The following ZNF804B variants were observed in gnomAD, a reference collection of about 807,000 sequenced individuals.
The protein encoded by ZNF804B is zinc finger protein 804B.
In ZNF804B, 80 loss-of-function variants were observed where a neutral mutation model predicts 101.4. The observed-to-expected ratio is 0.79, with a 90% CI of 0.66 to 0.95. The LOEUF (loss-of-function observed/expected upper bound fraction) is 0.95, where lower values mean the gene tolerates loss of function less well. Ranked by LOEUF, ZNF804B falls within the 40% of genes least tolerant of loss-of-function variation. The pLI is 0.00. For missense variants in ZNF804B, 1,673 were observed against 1,561.9 expected (o/e 1.07, Z -1.20); for synonymous variants, 622 against 558.8 (o/e 1.11, Z -1.59).
intron 1 of ZNF804B, among the ~76,000 whole-genome samples, chr7:89,129,580 C>T (rs1386331016): frequency 6.6e-6 from 1 of 152,022 alleles, no homozygotes; most frequent in Non-Finnish European, 1.5e-5. Context: ...TGAGTAATAG[C>T]TAACATTTTC....
intron 1 of ZNF804B, among the ~76,000 whole-genome samples, chr7:89,172,870 T>C (rs114570435): frequency 0.034 from 5,250 of 152,264 alleles, 174 homozygotes; most frequent in South Asian, 0.081. Flanking sequence ...GTATATTTCA[T>C]TCTCACCTCC....
chr7:89,162,756 A>C (rs2116422184), intron 1 of ZNF804B, among the ~76,000 whole-genome samples: 2 of 148,276 alleles, frequency 1.3e-5, no homozygotes, highest in African/African-American at 4.9e-5. Flanking sequence ...TGCACCCACT[A>C]ACTCGTCATC....
chr7:89,089,524 T>C (rs966948754), intron 1 of ZNF804B, among the ~76,000 whole-genome samples: 2 of 152,144 alleles, frequency 1.3e-5, no homozygotes, highest in South Asian at 4.1e-4. Flanking sequence ...TCAACCACTT[T>C]AAAATGCTTC....
chr7:89,178,761 G>A lies in ZNF804B; in HGVS notation c.109-39394G>A, dbSNP rs141496534. On this transcript the variant is annotated intron_variant, in intron 1 of 3. Coordinates refer to ENST00000333190, the MANE Select transcript of ZNF804B (RefSeq NM_181646.5). ...TCTTTGTGCTTACTATTCCCAGTGAGCTTTTTGCATTTAAAAGATTTCTTA... is the reference window on the plus strand; with the variant it reads ...TCTTTGTGCTTACTATTCCCAGTGAACTTTTTGCATTTAAAAGATTTCTTA... 5.2e-3 allele frequency among the ~76,000 whole-genome samples: 792 copies of A among 152,166 alleles called. 7 individuals carry two copies. The highest frequency in any genetic ancestry group is 0.031 in the Middle Eastern group (9 of 294).
At chr7:89,154,429 C>T (rs79459562) in intron 1 of ZNF804B, among the ~76,000 whole-genome samples, 21,682 of 152,098 alleles carry the variant, frequency 0.14, 1,715 homozygotes, top group African/African-American at 0.21. Flanking sequence ...GGTTGCAGCA[C>T]TGTTTACAAT....
chr7:89,202,756 T>C (rs1252160431), intron 1 of ZNF804B, among the ~76,000 whole-genome samples: 1 of 152,172 alleles, frequency 6.6e-6, no homozygotes, highest in African/African-American at 2.4e-5. Context: ...TCATTCCAGA[T>C]CTGCTATTTA....
chr7:89,298,295 T>C (rs1790421523), intron 2 of ZNF804B, among the ~76,000 whole-genome samples: 1 of 133,960 alleles, frequency 7.5e-6, no homozygotes, highest in South Asian at 2.6e-4. Flanking sequence ...AACGTGCAGG[T>C]TTATTACATA....
chr7:89,185,722 T>C (rs778049243), intron 1 of ZNF804B, among the ~76,000 whole-genome samples: 4 of 151,884 alleles, frequency 2.6e-5, no homozygotes, highest in Admixed American at 6.6e-5. Flanking sequence ...TAGCCAGATG[T>C]GGTGGCTTCT....
At chr7:88,841,033 A>G (rs559470819) in intron 1 of ZNF804B, among the ~76,000 whole-genome samples, 2 of 152,336 alleles carry the variant, frequency 1.3e-5, no homozygotes, top group South Asian at 4.1e-4. Context: ...GAGATATTCT[A>G]TTACACTCAA....
At chr7:89,156,725 A>G (rs1055170938) in intron 1 of ZNF804B, among the ~76,000 whole-genome samples, 3 of 152,168 alleles carry the variant, frequency 2.0e-5, no homozygotes, top group Admixed American at 6.5e-5. Flanking sequence ...CTTTTGCACC[A>G]TTTCTCTAAT....
At chr7:89,251,895 C>T (rs1322636069) in intron 2 of ZNF804B, among the ~76,000 whole-genome samples, 1 of 152,088 alleles carries the variant, frequency 6.6e-6, no homozygotes, top group Non-Finnish European at 1.5e-5. Context: ...TTTTACCATA[C>T]AAAAATTAAG....
intron 1 of ZNF804B, among the ~76,000 whole-genome samples, chr7:89,090,400 G>A (rs1247256956): frequency 6.6e-6 from 1 of 152,002 alleles, no homozygotes; most frequent in Non-Finnish European, 1.5e-5. Context: ...GACTTGGGAT[G>A]TATTTTCAGG....
chr7:89,146,557 G>A (rs1164452508), intron 1 of ZNF804B, among the ~76,000 whole-genome samples: 2 of 151,910 alleles, frequency 1.3e-5, no homozygotes, highest in East Asian at 3.9e-4. Context: ...CAGATAAATA[G>A]AAAACTCTCA....
chr7:88,849,658 C>G (rs1000710124), intron 1 of ZNF804B, among the ~76,000 whole-genome samples: 2 of 151,302 alleles, frequency 1.3e-5, no homozygotes, highest in Non-Finnish European at 2.9e-5. Context: ...CGCCACCACA[C>G]CTAGCTAATT....
At chr7:88,916,389 TA>T (rs1792632320) in intron 1 of ZNF804B, among the ~76,000 whole-genome samples, 1 of 152,126 alleles carries the variant, frequency 6.6e-6, no homozygotes, top group African/African-American at 2.4e-5. Flanking sequence ...TCTTGTATAT[TA>T]AAATCTGGCA....
At chr7:89,233,998 T>A (rs902065497) in intron 2 of ZNF804B, among the ~76,000 whole-genome samples, 1 of 152,222 alleles carries the variant, frequency 6.6e-6, no homozygotes, top group South Asian at 2.1e-4. Context: ...CACAATGGAG[T>A]GTGAATCTAT....
intron 2 of ZNF804B, among the ~76,000 whole-genome samples, chr7:89,313,399 T>C (rs533017482): frequency 1.3e-5 from 2 of 152,226 alleles, no homozygotes; most frequent in Non-Finnish European, 1.5e-5. Flanking sequence ...AAATTAGACA[T>C]ACTTCAGTGA....
chr7:88,923,062 T>C (rs1792747573), intron 1 of ZNF804B, among the ~76,000 whole-genome samples: 1 of 152,134 alleles, frequency 6.6e-6, no homozygotes, highest in Non-Finnish European at 1.5e-5. Context: ...AATATTCTTA[T>C]TTAATTATGA....
intron 2 of ZNF804B, among the ~76,000 whole-genome samples, chr7:89,247,257 A>C (rs147277438): frequency 1.9e-3 from 284 of 152,324 alleles, no homozygotes; most frequent in African/African-American, 6.7e-3. Context: ...AGCCTTGTTT[A>C]TCAGGGCCCC....
Sources: gnomAD v4.1 joint callset for allele counts (sites outside exome capture counted in the v4.1 genomes callset) on GRCh38, gnomAD v4.1.1 for gene constraint, MANE v1.5 for transcripts, NCBI Gene and HGNC (gene_info 2026-07-23, HGNC 2026-07-21) for gene names.